The following PRIM2 variants were observed in gnomAD, a reference collection of about 807,000 sequenced individuals.
The protein encoded by PRIM2 is DNA primase subunit 2, also known as DNA primase large subunit.
PRIM2 carries 39 observed loss-of-function variants against 67.3 expected under a neutral mutation model. The ratio of observed to expected loss-of-function variants is 0.58; its 90% CI spans 0.45 to 0.76. The LOEUF (loss-of-function observed/expected upper bound fraction) is 0.76, where lower values mean the gene tolerates loss of function less well. Ranked by LOEUF, PRIM2 falls within the 30% of genes least tolerant of loss-of-function variation. The pLI is 0.00. For synonymous variants in PRIM2, 143 were observed against 198.7 expected (o/e 0.72, Z 2.36); for missense variants, 398 against 598.7 (o/e 0.66, Z 3.50).
chr6:57,441,461 G>A (rs1772203708), intron 7 of PRIM2, among the ~76,000 whole-genome samples: 2 of 152,156 alleles, frequency 1.3e-5, no homozygotes, highest in African/African-American at 4.8e-5. Flanking sequence ...GTGATAGTAT[G>A]TAAATGGTTT....
chr6:57,301,727 C>T, the PRIM2 span, among the ~76,000 whole-genome samples: 1 of 152,114 alleles, frequency 6.6e-6, no homozygotes, highest in Non-Finnish European at 1.5e-5. Flanking sequence ...GGTGGCTGAG[C>T]GTGAGAATCA....
At chr6:57,469,969 A>C (rs1773296393) in intron 7 of PRIM2, among the ~76,000 whole-genome samples, 3 of 152,004 alleles carry the variant, frequency 2.0e-5, no homozygotes, top group Non-Finnish European at 4.4e-5. Flanking sequence ...ACTCATTTAG[A>C]GCTTTATCTC....
At chr6:57,507,153 CT>C (rs1774267140) in intron 7 of PRIM2, among the ~76,000 whole-genome samples, 1 of 152,026 alleles carries the variant, frequency 6.6e-6, no homozygotes, top group African/African-American at 2.4e-5. Flanking sequence ...TCACCTTTTT[CT>C]TTACTTTTAA....
intron 10 of PRIM2, among the ~76,000 whole-genome samples, chr6:57,555,410 C>G (rs1193850552): frequency 2.0e-5 from 3 of 152,068 alleles, no homozygotes; most frequent in Admixed American, 6.5e-5. Context: ...CTCCCAAGTA[C>G]CTGGGACTAT....
At chr6:57,252,566 A>C in the PRIM2 span, among the ~76,000 whole-genome samples, 1 of 151,980 alleles carries the variant, frequency 6.6e-6, no homozygotes, top group East Asian at 1.9e-4. Flanking sequence ...TCAGCCTCCA[A>C]AGTAGTTGGG....
At chr6:57,601,905 A>G (rs1418203443) in intron 11 of PRIM2, among the ~76,000 whole-genome samples, 4 of 152,166 alleles carry the variant, frequency 2.6e-5, no homozygotes, top group Admixed American at 6.5e-5. Context: ...TTGGACTGCT[A>G]AAGATCAAAT....
the PRIM2 span, among the ~76,000 whole-genome samples, chr6:57,280,718 CGGCTGGTCTCGAACTCCTGACCTCAT>C: frequency 6.6e-6 from 1 of 151,946 alleles, no homozygotes; most frequent in African/African-American, 2.4e-5. Context: ...CCATATTGGT[CGGCTGGTCTCGAACTCCTGACCTCAT>C]GATCTGCCTG....
the PRIM2 span, among the ~76,000 whole-genome samples, chr6:57,307,368 C>T: frequency 2.0e-5 from 3 of 151,582 alleles, no homozygotes; most frequent in African/African-American, 7.3e-5. Flanking sequence ...ATTCTCCTGC[C>T]TCAGCCTCCT....
intron 7 of PRIM2, among the ~76,000 whole-genome samples, chr6:57,438,377 G>A (rs1035499991): frequency 1.3e-5 from 2 of 152,178 alleles, no homozygotes; most frequent in Non-Finnish European, 2.9e-5. Context: ...TGAAAAGATG[G>A]AAAATTGTTG....
chr6:57,302,617 A>G, the PRIM2 span, among the ~76,000 whole-genome samples: 4 of 152,208 alleles, frequency 2.6e-5, no homozygotes, highest in Admixed American at 1.3e-4. Flanking sequence ...TTGTAACTCC[A>G]TTAGGGTTAA....
At chr6:57,253,510 C>T in the PRIM2 span, among the ~76,000 whole-genome samples, 1 of 151,940 alleles carries the variant, frequency 6.6e-6, no homozygotes, top group Non-Finnish European at 1.5e-5. Context: ...TATATCTGTT[C>T]TACCTGGTAC....
intron 3 of PRIM2, among the ~76,000 whole-genome samples, chr6:57,323,431 A>G (rs1205265568): frequency 6.6e-6 from 1 of 152,160 alleles, no homozygotes; most frequent in Non-Finnish European, 1.5e-5. Context: ...GAAAATTAAA[A>G]GAGAGGGGTT....
In PRIM2 at chr6:57,329,897, T is replaced by A. The variant is rs563658038; in HGVS notation, c.459+3852T>A. Among the ~76,000 whole-genome samples, 101 of 152,344 alleles carry A rather than the reference T, an allele frequency of 6.6e-4. 1 individual carries two copies. In the Middle Eastern group the frequency reaches 0.02, roughly 31 times the overall value. ...TGTCAGTAGTATGTGGTCTTGATTA[T>A]TGGTTACTGTGGCTTTATTGTTAAG... On this transcript the variant is annotated intron_variant, in intron 5 of 13. Coordinates refer to ENST00000615550, the MANE Select transcript of PRIM2 (RefSeq NM_000947.5).
At chr6:57,642,721 G>A (rs1365701213) in intron 13 of PRIM2, among the ~76,000 whole-genome samples, 1 of 152,110 alleles carries the variant, frequency 6.6e-6, no homozygotes, top group Non-Finnish European at 1.5e-5. Context: ...GATTACAGGC[G>A]TGAGCCACCA....
At chr6:57,269,341 T>C in the PRIM2 span, among the ~76,000 whole-genome samples, 1 of 152,090 alleles carries the variant, frequency 6.6e-6, no homozygotes, top group Admixed American at 6.6e-5. Flanking sequence ...TGGTGTGAGA[T>C]GGTATCTCAT....
intron 7 of PRIM2, among the ~76,000 whole-genome samples, chr6:57,407,938 A>C (rs1770951825): frequency 6.6e-6 from 1 of 152,220 alleles, no homozygotes; most frequent in Non-Finnish European, 1.5e-5. Context: ...TGAATTTTGC[A>C]GAGAGGGAAA....
At chr6:57,493,756 C>T (rs1314519215) in intron 7 of PRIM2, 2 of 152,146 alleles carry the variant, frequency 1.3e-5, no homozygotes, top group South Asian at 2.1e-4. Context: ...AAGATTGTGG[C>T]TGCTTCAAAA....
the PRIM2 span, among the ~76,000 whole-genome samples, chr6:57,288,220 G>A: frequency 6.6e-6 from 1 of 152,180 alleles, no homozygotes; most frequent in Admixed American, 6.5e-5. Context: ...TTGGCGTGGG[G>A]AGGGGGTGTC....
chr6:57,494,267 T>A (rs1257718686), intron 7 of PRIM2, among the ~76,000 whole-genome samples: 1 of 152,168 alleles, frequency 6.6e-6, no homozygotes, highest in Non-Finnish European at 1.5e-5. Flanking sequence ...AAGTGGCAGC[T>A]CATCATTTTG....
Sources: gnomAD v4.1 joint callset for allele counts (sites outside exome capture counted in the v4.1 genomes callset) on GRCh38, gnomAD v4.1.1 for gene constraint, MANE v1.5 for transcripts, NCBI Gene and HGNC (gene_info 2026-07-23, HGNC 2026-07-21) for gene names.